Variants in NDUFAF6 observed in about 807,000 individuals in gnomAD.
NDUFAF6 encodes the protein NADH:ubiquinone oxidoreductase complex assembly factor 6, also known as NADH dehydrogenase (ubiquinone) complex I, assembly factor 6.
Under a neutral mutation model 40.8 loss-of-function variants are expected in NDUFAF6, and 45 were observed. The observed-to-expected ratio is 1.10, with a 90% CI of 0.87 to 1.42. NDUFAF6 has a LOEUF of 1.42. Ranked by LOEUF, NDUFAF6 falls within the 40% of genes most tolerant of loss-of-function variation. The probability of loss-of-function intolerance (pLI) is 0.00; values close to 1 mark genes in which losing one functional copy is unlikely to be tolerated. For missense variants in NDUFAF6, 435 were observed against 418.5 expected (o/e 1.04, Z -0.34); for synonymous variants, 185 against 155.9 (o/e 1.19, Z -1.39).
At chr8:95,009,216 G>A (rs116496756) in intron 2 of NDUFAF6, among the ~76,000 whole-genome samples, 5 of 149,756 alleles carry the variant, frequency 3.3e-5, no homozygotes, top group East Asian at 3.9e-4. Flanking sequence ...AAAAAAAAAC[G>A]AAAAATAAAA....
chr8:94,957,485 G>C (rs1386420908), upstream of NDUFAF6, among the ~76,000 whole-genome samples: 1 of 152,192 alleles, frequency 6.6e-6, no homozygotes, highest in Non-Finnish European at 1.5e-5. Context: ...AGCCAATGGG[G>C]TGACTGAAAA....
intron 2 of NDUFAF6, among the ~76,000 whole-genome samples, chr8:95,007,256 A>G (rs974542046): frequency 5.9e-5 from 9 of 152,012 alleles, no homozygotes; most frequent in African/African-American, 2.2e-4. Context: ...GGTTTTAAAA[A>G]TTGTGATGTT....
intron 1 of NDUFAF6, chr8:94,928,731 C>T (rs190533659): frequency 6.6e-6 from 1 of 152,382 alleles, no homozygotes; most frequent in African/African-American, 2.4e-5. Context: ...CCACTCCAAA[C>T]GCTCTAATCT....
At chr8:94,961,461 G>A (rs371286758) in intron 1 of NDUFAF6, among the ~76,000 whole-genome samples, 5 of 152,060 alleles carry the variant, frequency 3.3e-5, no homozygotes, top group South Asian at 4.1e-4. Context: ...TCGCTCTGTC[G>A]CCCAGGCTGG....
At chr8:95,009,237 A>G (rs1369763361) in intron 2 of NDUFAF6, among the ~76,000 whole-genome samples, 1 of 151,998 alleles carries the variant, frequency 6.6e-6, no homozygotes, top group African/African-American at 2.4e-5. Flanking sequence ...TTATGTATAG[A>G]TGTGGAAATA....
At chr8:94,984,922 G>C (rs1825705652) in intron 2 of NDUFAF6, among the ~76,000 whole-genome samples, 1 of 152,138 alleles carries the variant, frequency 6.6e-6, no homozygotes, top group Non-Finnish European at 1.5e-5. Context: ...AGACCTGTCT[G>C]GTTACCTCCT....
intron 9 of NDUFAF6, among the ~76,000 whole-genome samples, chr8:95,074,256 TCAA>T (rs1832965051): frequency 6.6e-6 from 1 of 152,176 alleles, no homozygotes; most frequent in Non-Finnish European, 1.5e-5. Flanking sequence ...CTGATTAGTC[TCAA>T]CGTTTTCAGG....
At chr8:95,083,221 C>T (rs1165865851) in intron 2 of NDUFAF6, among the ~76,000 whole-genome samples, 2 of 151,500 alleles carry the variant, frequency 1.3e-5, no homozygotes, top group African/African-American at 2.4e-5. Flanking sequence ...CCTATTTTCC[C>T]AGCTTCATGT....
downstream of NDUFAF6, among the ~76,000 whole-genome samples, chr8:95,080,246 T>C (rs916648741): frequency 2.0e-5 from 3 of 151,984 alleles, no homozygotes; most frequent in African/African-American, 7.2e-5. Flanking sequence ...TGATTTTTTG[T>C]AGTGTATTTT....
At chr8:94,979,670 A>G (rs1825250835) in intron 1 of NDUFAF6, among the ~76,000 whole-genome samples, 1 of 152,232 alleles carries the variant, frequency 6.6e-6, no homozygotes, top group Non-Finnish European at 1.5e-5. Flanking sequence ...AATTTATATT[A>G]ATAAAGCCTA....
At chr8:94,900,768 C>T (rs1167100506) in intron 1 of NDUFAF6, among the ~76,000 whole-genome samples, 1 of 152,046 alleles carries the variant, frequency 6.6e-6, no homozygotes, top group South Asian at 2.1e-4. Flanking sequence ...AAATGTGGAA[C>T]GGATAACTAT....
intron 1 of NDUFAF6, among the ~76,000 whole-genome samples, chr8:94,934,669 T>C (rs1820788550): frequency 6.6e-6 from 1 of 152,098 alleles, no homozygotes; most frequent in Non-Finnish European, 1.5e-5. Flanking sequence ...TGTAAGCCAC[T>C]GCACCTGGCC....
intron 1 of NDUFAF6, among the ~76,000 whole-genome samples, chr8:94,932,550 T>A (rs1264675645): frequency 6.6e-6 from 1 of 152,242 alleles, no homozygotes; most frequent in Non-Finnish European, 1.5e-5. Context: ...ACGCCTGTAA[T>A]CCCAGCACTT....
At chr8:95,069,642 T>C (rs1832786690) in intron 9 of NDUFAF6, among the ~76,000 whole-genome samples, 1 of 150,852 alleles carries the variant, frequency 6.6e-6, no homozygotes. Context: ...TAGTTGGGCA[T>C]GGTGATGGGC....
upstream of NDUFAF6, among the ~76,000 whole-genome samples, chr8:95,098,018 CT>C (rs1401466477): frequency 6.6e-6 from 1 of 151,878 alleles, no homozygotes; most frequent in Admixed American, 6.6e-5. Context: ...GAGGAGTTTC[CT>C]TATTTTCTAC....
intron 9 of NDUFAF6, among the ~76,000 whole-genome samples, chr8:95,074,000 GAT>G (rs983496548): frequency 6.6e-6 from 1 of 152,080 alleles, no homozygotes; most frequent in Admixed American, 6.6e-5. Context: ...ATTTTTAAAG[GAT>G]AGAGTCCTTA....
chr8:95,067,457 C>CATT, intron 9 of NDUFAF6: 1 of 152,100 alleles, frequency 6.6e-6, no homozygotes, highest in East Asian at 1.9e-4. Flanking sequence ...TCCGTGCCTT[C>CATT]ATTTTCCTGC....
intron 2 of NDUFAF6, among the ~76,000 whole-genome samples, chr8:94,952,097 C>T (rs1453608317): frequency 6.6e-6 from 1 of 152,204 alleles, no homozygotes; most frequent in South Asian, 2.1e-4. Context: ...CAGAGTTCTC[C>T]TGTCTGTTTT....
intron 1 of NDUFAF6, chr8:94,930,088 A>T (rs1303293905): frequency 5.3e-6 from 1 of 188,378 alleles, no homozygotes; most frequent in African/African-American, 2.4e-5. Flanking sequence ...GACCCTGAGA[A>T]TAAATTTTTG....
Sources: allele counts gnomAD v4.1 joint callset (sites outside exome capture counted in the v4.1 genomes callset), GRCh38; gene constraint gnomAD v4.1.1; transcripts MANE v1.5; gene names NCBI Gene and HGNC (gene_info 2026-07-23, HGNC 2026-07-21).